BRINP1: variants seen among roughly 807,000 people sequenced by gnomAD.
The protein encoded by BRINP1 is BMP/retinoic acid inducible neural specific 1.
Under a neutral mutation model 72.9 loss-of-function variants are expected in BRINP1, and 17 were observed. The observed-to-expected ratio is 0.23, with a 90% confidence interval of 0.16 to 0.35. The LOEUF (loss-of-function observed/expected upper bound fraction) is 0.35, where lower values mean the gene tolerates loss of function less well. Ranked by LOEUF, BRINP1 falls within the 10% of genes least tolerant of loss-of-function variation. The probability of loss-of-function intolerance (pLI) is 1.00; values close to 1 mark genes in which losing one functional copy is unlikely to be tolerated. For synonymous variants in BRINP1, 418 were observed against 378.5 expected (o/e 1.10, Z -1.21); for missense variants, 850 against 1,001.6 (o/e 0.85, Z 2.04).
chr9:119,354,873 A>G (rs1225989851), intron 1 of BRINP1, among the ~76,000 whole-genome samples: 1 of 152,182 alleles, frequency 6.6e-6, no homozygotes, highest in East Asian at 1.9e-4. Context: ...TGTCTCAGAG[A>G]AAAAACGTAA....
At chr9:119,180,687 A>C (rs1474947982) in intron 7 of BRINP1, among the ~76,000 whole-genome samples, 1 of 152,170 alleles carries the variant, frequency 6.6e-6, no homozygotes. Context: ...TTAGCTTTTA[A>C]TCATTACCCT....
chr9:119,169,433 AACGGCGCACCGCGAG>A (rs1286890423), intron 7 of BRINP1, among the ~76,000 whole-genome samples: 1 of 152,116 alleles, frequency 6.6e-6, no homozygotes, highest in African/African-American at 2.4e-5. Context: ...GGGCTTAAAA[AACGGCGCACCGCGAG>A]ATTATATTAC....
At chr9:119,342,382 G>A (rs1374262452) in intron 1 of BRINP1, among the ~76,000 whole-genome samples, 14 of 152,084 alleles carry the variant, frequency 9.2e-5, no homozygotes, top group African/African-American at 9.7e-5. Flanking sequence ...TAACATTTCC[G>A]AAACATTGAT....
intron 5 of BRINP1, among the ~76,000 whole-genome samples, chr9:119,233,687 C>T (rs1830167277): frequency 6.6e-6 from 1 of 152,198 alleles, no homozygotes; most frequent in Non-Finnish European, 1.5e-5. Context: ...AAAGCATGTG[C>T]AGCTTTTTGA....
At chr9:119,310,776 A>G (rs554041799) in intron 2 of BRINP1, among the ~76,000 whole-genome samples, 2 of 152,306 alleles carry the variant, frequency 1.3e-5, no homozygotes, top group Admixed American at 1.3e-4. Context: ...GCATACAGGA[A>G]GACAGGCACA....
At chr9:119,200,004 C>T (rs1829787669) in intron 7 of BRINP1, among the ~76,000 whole-genome samples, 1 of 152,194 alleles carries the variant, frequency 6.6e-6, no homozygotes, top group Non-Finnish European at 1.5e-5. Flanking sequence ...GGAAAAGTCA[C>T]TTACCTCCCT....
Position 119,242,082 on chromosome 9 carries a change from G to A in BRINP1, c.544C>T (p.Leu182Phe), listed in dbSNP as rs1479778721. The stretch of plus-strand genomic sequence containing the variant: ...CCAGTTGATATCTGGATCTCATGAA[G>A]CCTCCTCATGGTACCATCACGGTCA... ...FVDRDGTMRR[L>F]HEIQISTGAI... Residue 182 changes from leucine to phenylalanine, a missense_variant, in exon 4 of 8, where the codon CTT (leucine) becomes TTT (phenylalanine). Leu to Phe is a conservative substitution (Grantham distance 22, BLOSUM62 0). Coordinates refer to ENST00000265922, the MANE Select transcript of BRINP1 (RefSeq NM_014618.3). 8.7e-6 allele frequency: 14 copies of A among 1,614,084 alleles called. No homozygotes were observed. Among genetic ancestry groups the A allele is most frequent in the Non-Finnish European group, 1.1e-5 (13 of 1,180,012 alleles).
intron 1 of BRINP1, among the ~76,000 whole-genome samples, chr9:119,362,406 C>T (rs1186564477): frequency 6.6e-6 from 1 of 152,102 alleles, no homozygotes; most frequent in Non-Finnish European, 1.5e-5. Context: ...AAGTGTCTTC[C>T]TTTAGACTTC....
chr9:119,266,690 T>C (rs1830551217), intron 2 of BRINP1, among the ~76,000 whole-genome samples: 1 of 152,226 alleles, frequency 6.6e-6, no homozygotes, highest in African/African-American at 2.4e-5. Context: ...ACCACCATTC[T>C]ACCCTCTGCT....
chr9:119,362,358 G>T (rs570306212), intron 1 of BRINP1, among the ~76,000 whole-genome samples: 1 of 152,232 alleles, frequency 6.6e-6, no homozygotes, highest in Non-Finnish European at 1.5e-5. Flanking sequence ...AGACCTTATA[G>T]TTCACTGTCG....
At chr9:119,272,275 G>T (rs1830615426) in intron 2 of BRINP1, among the ~76,000 whole-genome samples, 1 of 151,936 alleles carries the variant, frequency 6.6e-6, no homozygotes, top group African/African-American at 2.4e-5. Flanking sequence ...TAGAGATGGG[G>T]TTTCACCATT....
chr9:119,368,644 T>C lies in BRINP1; in HGVS notation c.-51+412A>G, dbSNP rs1831720601. On this transcript the variant is annotated intron_variant, in intron 1 of 7. Transcript: ENST00000265922. The surrounding 1 kb of genome is among the most constrained non-coding windows in gnomAD (Gnocchi z 4.7). ...ACATACAAACACATACGTACAAACATGCACACACACATCGCGCCGTAAGTA... is the reference window on the plus strand; with the variant it reads ...ACATACAAACACATACGTACAAACACGCACACACACATCGCGCCGTAAGTA... 6.6e-6 allele frequency among the ~76,000 whole-genome samples: 1 copy of C among 151,980 alleles called. No homozygotes were observed. The highest frequency in any genetic ancestry group is 1.5e-5 in the Non-Finnish European group (1 of 67,974).
At chr9:119,212,460 T>C (rs1296633209) in intron 6 of BRINP1, among the ~76,000 whole-genome samples, 2 of 152,176 alleles carry the variant, frequency 1.3e-5, no homozygotes, top group African/African-American at 4.8e-5. Flanking sequence ...CAAAGTAAAA[T>C]TAAGTTACCA....
chr9:119,181,186 A>G (rs761707611), intron 7 of BRINP1, among the ~76,000 whole-genome samples: 2 of 152,180 alleles, frequency 1.3e-5, no homozygotes, highest in African/African-American at 2.4e-5. Flanking sequence ...GAGGGCTACA[A>G]GAGTGGTTTA....
At chr9:119,238,266 A>C (rs942678209) in intron 5 of BRINP1, among the ~76,000 whole-genome samples, 4 of 152,186 alleles carry the variant, frequency 2.6e-5, no homozygotes, top group African/African-American at 9.7e-5. Flanking sequence ...TGAATTAATA[A>C]AGATGAAATT....
intron 5 of BRINP1, among the ~76,000 whole-genome samples, chr9:119,236,246 G>A (rs1466019283): frequency 2.0e-5 from 3 of 152,142 alleles, no homozygotes; most frequent in Non-Finnish European, 4.4e-5. Context: ...TCCTCCAGGT[G>A]TACTCTAACC....
At chr9:119,358,323 C>T (rs1235170012) in intron 1 of BRINP1, among the ~76,000 whole-genome samples, 2 of 150,318 alleles carry the variant, frequency 1.3e-5, no homozygotes, top group Non-Finnish European at 2.9e-5. Flanking sequence ...AGATGGGCTG[C>T]ACAAGGCGAA....
chr9:119,293,459 G>C (rs1001286541), intron 2 of BRINP1, among the ~76,000 whole-genome samples: 2 of 152,122 alleles, frequency 1.3e-5, no homozygotes, highest in African/African-American at 4.8e-5. Flanking sequence ...AAAAGCACCA[G>C]CGATGTACCT....
intron 7 of BRINP1, among the ~76,000 whole-genome samples, chr9:119,204,228 G>A (rs1404043283): frequency 6.6e-6 from 1 of 152,114 alleles, no homozygotes; most frequent in Non-Finnish European, 1.5e-5. Flanking sequence ...GCCAACTAGA[G>A]ATATCCTCAG....
Sources: allele counts gnomAD v4.1 joint callset (sites outside exome capture counted in the v4.1 genomes callset), GRCh38; gene constraint gnomAD v4.1.1; non-coding constraint Gnocchi (gnomAD v3.1); transcripts MANE v1.5; gene names NCBI Gene and HGNC (gene_info 2026-07-23, HGNC 2026-07-21).